PKD1L1: variants seen among roughly 807,000 people sequenced by gnomAD.
PKD1L1 encodes polycystin 1 like 1, transient receptor potential channel interacting.
Under a neutral mutation model 323.4 loss-of-function variants are expected in PKD1L1, and 236 were observed. That is an observed-to-expected ratio of 0.73 (90% CI 0.66 to 0.81). The LOEUF is 0.81. Ranked by LOEUF, PKD1L1 falls within the 40% of genes least tolerant of loss-of-function variation. PKD1L1 has a pLI of 0.00. For missense variants in PKD1L1, 3,320 were observed against 3,508.0 expected, an observed-to-expected ratio of 0.95 and a Z score of 1.35; for synonymous variants, 1,344 against 1,335.0, an observed-to-expected ratio of 1.01 and a Z score of -0.15.
Position 47,842,965 on chromosome 7 carries a change from T to C in PKD1L1, c.5442A>G (p.Ser1814=). 1 of 1,612,526 alleles carries C rather than the reference T, an allele frequency of 6.2e-7. No homozygotes were observed. The highest frequency in any genetic ancestry group is 8.5e-7 in the Non-Finnish European group (1 of 1,179,462). Residue 1814 remains serine (S), a synonymous_variant, in exon 34 of 57, where the codon TCA becomes TCG. Transcript: ENST00000289672. Reference sequence around the variant, plus strand: ...TACCCCCAGATGCTCGAGCTACCTTTGAGGTCAACCTGGCCGGAGCTCGGA... The same window carrying C: ...TACCCCCAGATGCTCGAGCTACCTTCGAGGTCAACCTGGCCGGAGCTCGGA... The part of the protein sequence containing the change: ...TGFRAPARLT[S]KVYIVLCGDN...
At position 47,817,145 on chromosome 7, in the gene PKD1L1, C is replaced by A. The variant is rs1382519560; in HGVS notation, c.6966-1688G>T. 2.6e-5 allele frequency among the ~76,000 whole-genome samples: 4 copies of A among 152,068 alleles called. No individual in the cohort carries two copies. In the East Asian group the frequency reaches 5.8e-4, roughly 22 times the overall value. ...CCAGCTACTCAGGAAGCAGGAGAATCGCTTGAACCCAGGAGGCAGAGGTTG... is the reference window on the plus strand; with the variant it reads ...CCAGCTACTCAGGAAGCAGGAGAATAGCTTGAACCCAGGAGGCAGAGGTTG... On this transcript the variant is annotated intron_variant, in intron 46 of 56. Transcript: ENST00000289672.
At chr7:47,786,936 C>A (rs1786822349) in intron 56 of PKD1L1, among the ~76,000 whole-genome samples, 2 of 152,174 alleles carry the variant, frequency 1.3e-5, no homozygotes, top group South Asian at 4.1e-4. Context: ...TGGCAACTCA[C>A]CGCATTTTGT....
Position 47,890,671 on chromosome 7 carries a change from A to T in PKD1L1, c.2546T>A (p.Val849Asp). ...ACTGAGCCATTGTGCCTCAAAGGAA[A>T]CAGTGGGAGCCGCGGCATCCAGTTG... ...AHQLDAAAPT[V>D]SFEAQWLSDS... The change falls in exon 16 of 57, where the codon GTT (valine) becomes GAT (aspartate). Residue 849 changes from valine (V) to aspartate (D), a missense_variant. Coordinates refer to ENST00000289672, the MANE Select transcript of PKD1L1 (RefSeq NM_138295.5). The T allele has an allele frequency of 2.5e-6, 4 of 1,614,098 alleles. No individual in the cohort carries two copies. Among genetic ancestry groups the T allele is most frequent in the Non-Finnish European group, 3.4e-6 (4 of 1,180,022 alleles).
At chr7:47,799,745 C>G (rs911638840) in intron 54 of PKD1L1, among the ~76,000 whole-genome samples, 9 of 152,138 alleles carry the variant, frequency 5.9e-5, no homozygotes, top group Non-Finnish European at 1.0e-4. Flanking sequence ...TAAGTGTGGA[C>G]AGCATGCCTA....
chr7:47,838,876 C>CAAAAAAAAAAAA (rs57858359), intron 36 of PKD1L1, among the ~76,000 whole-genome samples: 1 of 85,338 alleles, frequency 1.2e-5, no homozygotes, highest in Non-Finnish European at 2.1e-5. Flanking sequence ...GACTCCATCT[C>CAAAAAAAAAAAA]AAAAAAAAAA....
At chr7:47,899,784 GT>G (rs1195680472) in intron 13 of PKD1L1, among the ~76,000 whole-genome samples, 1 of 152,000 alleles carries the variant, frequency 6.6e-6, no homozygotes, top group Non-Finnish European at 1.5e-5. Context: ...GTGAAACCCT[GT>G]TTTTACTAAA....
At chr7:47,892,025 C>T (rs1786830586) in intron 15 of PKD1L1, among the ~76,000 whole-genome samples, 1 of 152,196 alleles carries the variant, frequency 6.6e-6, no homozygotes, top group Admixed American at 6.5e-5. Context: ...TCATCTATTG[C>T]TTTATAAATA....
At position 47,833,174 on chromosome 7, in the gene PKD1L1, C is replaced by A. The variant is rs760232947; in HGVS notation, c.6253G>T (p.Ala2085Ser). The change falls in exon 41 of 57, where the codon GCC becomes TCC. Residue 2085 changes from alanine (A) to serine (S), a missense_variant. Ala to Ser is a moderately conservative substitution (Grantham distance 99, BLOSUM62 1). Coordinates refer to ENST00000289672, the MANE Select transcript of PKD1L1 (RefSeq NM_138295.5). ...GCCCCATGAACCTGCAGCTTAGGGGCTGGACAAGCTGTGCCATTGTCACTT... is the reference window on the plus strand; with the variant it reads ...GCCCCATGAACCTGCAGCTTAGGGGATGGACAAGCTGTGCCATTGTCACTT... The part of the protein sequence containing the change: ...AASDNGTACP[A>S]PKLQVHGADH... 1.2e-6 allele frequency: 2 copies of A among 1,612,758 alleles called. No homozygotes were observed. Among genetic ancestry groups the A allele is most frequent in the Non-Finnish European group, 1.7e-6 (2 of 1,179,486 alleles).
chr7:47,840,012 T>C lies in PKD1L1; in HGVS notation c.5553-350A>G, dbSNP rs1274625420. ...TAATACTCCAAACCTATAAATATCA[T>C]ACATGAAATTTACCAGGAGAAAAAA... On this transcript the variant is annotated intron_variant, in intron 35 of 56. Transcript: ENST00000289672. This position sits in a 1 kb window ranked among gnomAD's most constrained non-coding sequence, Gnocchi z 4.1. 1.3e-5 allele frequency among the ~76,000 whole-genome samples: 2 copies of C among 152,216 alleles called. No homozygotes were observed. The highest frequency in any genetic ancestry group is 1.9e-4 in the East Asian group (1 of 5,190).
upstream of PKD1L1, among the ~76,000 whole-genome samples, chr7:47,949,391 A>AAAAAAAAAAG (rs1788169199): frequency 6.8e-6 from 1 of 148,048 alleles, no homozygotes; most frequent in South Asian, 2.1e-4. Flanking sequence ...AAAAAAAAAA[A>AAAAAAAAAAG]GCTGTAACTG....
rs574518554 is a variant in PKD1L1 at position 47,937,942 on chromosome 7, G to C, written c.286-984C>G. Among the ~76,000 whole-genome samples the C allele has an allele frequency of 2.0e-5, 3 of 152,238 alleles. No homozygotes were observed. In the South Asian group the frequency reaches 6.2e-4, roughly 32 times the overall value. ...CTGGTGGCACCAGGAAAGCAGGGAG[G>C]TGCCCACGGCACAGGAGGAGGGGGG... On this transcript the variant is annotated intron_variant, in intron 3 of 56. Transcript: ENST00000289672.
At chr7:47,867,017 A>G (rs1450248877) in intron 24 of PKD1L1, among the ~76,000 whole-genome samples, 1 of 152,220 alleles carries the variant, frequency 6.6e-6, no homozygotes, top group Non-Finnish European at 1.5e-5. Flanking sequence ...ACTGGAAAAG[A>G]TAACACAGTA....
chr7:47,815,855 A>T (rs549724728), intron 46 of PKD1L1, among the ~76,000 whole-genome samples: 12 of 6,582 alleles, frequency 1.8e-3, no homozygotes, highest in South Asian at 4.8e-3. Flanking sequence ...ATGAAGGAGG[A>T]AAAAAAAAAA....
chr7:47,802,774 G>A (rs1784692312), intron 53 of PKD1L1, among the ~76,000 whole-genome samples: 1 of 152,204 alleles, frequency 6.6e-6, no homozygotes, highest in Non-Finnish European at 1.5e-5. Context: ...GCTAGCCCTG[G>A]ATGAAGACTT....
chr7:47,858,689 A>G lies in PKD1L1; in HGVS notation c.4346T>C (p.Ile1449Thr). 1 of 1,612,604 alleles carries G rather than the reference A, an allele frequency of 6.2e-7. No individual in the cohort carries two copies. The highest frequency in any genetic ancestry group is 8.5e-7 in the Non-Finnish European group (1 of 1,178,618). The change falls in exon 27 of 57, where the codon ATC becomes ACC. Residue 1449 changes from isoleucine to threonine, a missense_variant. By Grantham distance (89) the Ile-to-Thr change is moderately conservative. Coordinates refer to ENST00000289672, the MANE Select transcript of PKD1L1 (RefSeq NM_138295.5). ...VYRHEEGITV[I>T]SDLLLGCLSL... is the part of the protein sequence containing the mutation. ...GTGACTTACCAACAATAAATCTGAGATGACTGTAATTCCTTCTTCATGTCG... is the reference window on the plus strand; with the variant it reads ...GTGACTTACCAACAATAAATCTGAGGTGACTGTAATTCCTTCTTCATGTCG...
chr7:47,923,454 G>A (rs185199364), intron 7 of PKD1L1, among the ~76,000 whole-genome samples: 40 of 151,916 alleles, frequency 2.6e-4, no homozygotes, highest in African/African-American at 9.4e-4. Context: ...TCAGGTGATG[G>A]TTGCACCAAA....
the PKD1L1 span, among the ~76,000 whole-genome samples, chr7:47,959,076 G>A: frequency 4.6e-5 from 7 of 152,370 alleles, no homozygotes; most frequent in South Asian, 6.2e-4. Flanking sequence ...CGCCAGCCTC[G>A]GCCTCCCGAG....
chr7:47,950,387 G>C (rs190887914), upstream of PKD1L1, among the ~76,000 whole-genome samples: 51 of 152,326 alleles, frequency 3.3e-4, no homozygotes, highest in East Asian at 9.4e-3. Flanking sequence ...ATGAGGAGGA[G>C]CAAAGAAAGT....
At chr7:47,865,008 G>T (rs1268913270) in intron 26 of PKD1L1, among the ~76,000 whole-genome samples, 4 of 152,130 alleles carry the variant, frequency 2.6e-5, no homozygotes, top group African/African-American at 9.7e-5. Flanking sequence ...TTACAGGTGT[G>T]AGCCACTGTG....
Sources: allele counts gnomAD v4.1 joint callset (sites outside exome capture counted in the v4.1 genomes callset), GRCh38; gene constraint gnomAD v4.1.1; non-coding constraint Gnocchi (gnomAD v3.1); transcripts MANE v1.5; gene names NCBI Gene and HGNC (gene_info 2026-07-23, HGNC 2026-07-21).